Variants in SLC39A11 observed in about 807,000 individuals in gnomAD.
SLC39A11 encodes the protein solute carrier family 39 member 11.
SLC39A11 carries 33 observed loss-of-function variants against 36.1 expected under a neutral mutation model. The observed-to-expected ratio is 0.91, with a 90% CI of 0.69 to 1.22. The LOEUF (loss-of-function observed/expected upper bound fraction) is 1.22. Among genes scored for constraint, SLC39A11 ranks in the 50% most tolerant of loss-of-function variants. SLC39A11 has a pLI of 0.00. For missense variants in SLC39A11, 432 were observed against 430.3 expected, an observed-to-expected ratio of 1.00 and a Z score of -0.03; for synonymous variants, 166 against 170.3, an observed-to-expected ratio of 0.97 and a Z score of 0.20.
At chr17:72,690,963 A>C (rs1335936920) in intron 7 of SLC39A11, among the ~76,000 whole-genome samples, 1 of 152,184 alleles carries the variant, frequency 6.6e-6, no homozygotes, top group East Asian at 1.9e-4. Context: ...AGATTTCCCA[A>C]ATCTGTACAA....
intron 5 of SLC39A11, among the ~76,000 whole-genome samples, chr17:72,902,402 A>G (rs2082439471): frequency 6.6e-6 from 1 of 151,688 alleles, no homozygotes; most frequent in South Asian, 2.1e-4. Context: ...GGGCTACCAG[A>G]CACTAGGAAG....
intron 6 of SLC39A11, among the ~76,000 whole-genome samples, chr17:72,834,456 T>C (rs2078428812): frequency 6.6e-6 from 1 of 152,114 alleles, no homozygotes; most frequent in Admixed American, 6.6e-5. Context: ...ACCCCATCTC[T>C]ACCTAAAATA....
intron 4 of SLC39A11, among the ~76,000 whole-genome samples, chr17:72,967,399 A>AGAGAGAGAGAGAGAGAGAGAGAGAGAGT (rs143987646): frequency 7.2e-6 from 1 of 138,200 alleles, no homozygotes; most frequent in Non-Finnish European, 1.5e-5. Context: ...AGAGAGAGAG[A>AGAGAGAGAGAGAGAGAGAGAGAGAGAGT]GTGTGTGTGT....
At chr17:72,783,318 C>T (rs1003981313) in intron 6 of SLC39A11, among the ~76,000 whole-genome samples, 1 of 152,198 alleles carries the variant, frequency 6.6e-6, no homozygotes, top group Non-Finnish European at 1.5e-5. Context: ...GAAGCTGTAA[C>T]AGACTGAGAC....
At chr17:72,742,371 G>A (rs1353628612) in intron 6 of SLC39A11, among the ~76,000 whole-genome samples, 1 of 152,156 alleles carries the variant, frequency 6.6e-6, no homozygotes, top group Admixed American at 6.6e-5. Flanking sequence ...ATGGTCATGA[G>A]AATATGAACT....
At chr17:72,979,971 G>T (rs1465203223) in intron 4 of SLC39A11, among the ~76,000 whole-genome samples, 1 of 151,986 alleles carries the variant, frequency 6.6e-6, no homozygotes, top group Non-Finnish European at 1.5e-5. Context: ...ACGACTTGCT[G>T]CTGGATCCAC....
intron 4 of SLC39A11, among the ~76,000 whole-genome samples, chr17:72,971,336 A>ACTCT (rs369016332): frequency 0.062 from 8,892 of 143,412 alleles, 259 homozygotes; most frequent in African/African-American, 0.088. Flanking sequence ...ACACACACAC[A>ACTCT]CTCTCTCTCT....
chr17:72,663,139 G>C (rs899923191), intron 7 of SLC39A11, among the ~76,000 whole-genome samples: 2 of 152,214 alleles, frequency 1.3e-5, no homozygotes, highest in African/African-American at 2.4e-5. Context: ...GCACAACCAA[G>C]CTATGCCTTC....
At chr17:72,699,035 T>C (rs1462387555) in intron 7 of SLC39A11, among the ~76,000 whole-genome samples, 2 of 152,132 alleles carry the variant, frequency 1.3e-5, no homozygotes, top group South Asian at 2.1e-4. Flanking sequence ...TTCACCATGT[T>C]AGCCAGGATG....
At chr17:72,658,394 C>G (rs529548116) in intron 7 of SLC39A11, among the ~76,000 whole-genome samples, 3 of 152,184 alleles carry the variant, frequency 2.0e-5, no homozygotes, top group Non-Finnish European at 4.4e-5. Context: ...CCTCCCTCCT[C>G]GTATCTTCAG....
intron 6 of SLC39A11, among the ~76,000 whole-genome samples, chr17:72,812,832 T>G (rs2077473317): frequency 6.6e-6 from 1 of 151,906 alleles, no homozygotes; most frequent in South Asian, 2.1e-4. Flanking sequence ...CTTGGGGGGG[T>G]TTAGTTTTCA....
chr17:72,953,918 CCTT>C (rs1278243978), intron 4 of SLC39A11, among the ~76,000 whole-genome samples: 6 of 152,226 alleles, frequency 3.9e-5, no homozygotes, highest in Admixed American at 3.9e-4. Context: ...CCCGCACACA[CCTT>C]CTATCGCACG....
At chr17:72,709,126 G>C (rs1310375752) in intron 7 of SLC39A11, among the ~76,000 whole-genome samples, 2 of 152,058 alleles carry the variant, frequency 1.3e-5, no homozygotes, top group Admixed American at 6.6e-5. Flanking sequence ...TTTTAGTAGA[G>C]ACAGGGTTTC....
intron 6 of SLC39A11, among the ~76,000 whole-genome samples, chr17:72,768,352 A>T (rs753907778): frequency 1.3e-5 from 2 of 152,232 alleles, no homozygotes; most frequent in Non-Finnish European, 2.9e-5. Flanking sequence ...CCAAAAGCCC[A>T]GGAGTAGTTA....
chr17:72,915,387 C>T (rs1328619054), intron 5 of SLC39A11, among the ~76,000 whole-genome samples: 1 of 152,194 alleles, frequency 6.6e-6, no homozygotes, highest in Admixed American at 6.5e-5. Flanking sequence ...TGCCCTGCCT[C>T]GCTTTTCCTG....
At chr17:72,902,779 T>G (rs2082457931) in intron 5 of SLC39A11, among the ~76,000 whole-genome samples, 1 of 150,568 alleles carries the variant, frequency 6.6e-6, no homozygotes, top group African/African-American at 2.5e-5. Context: ...TGGGTACCCC[T>G]CTGGTTTCTT....
intron 5 of SLC39A11, among the ~76,000 whole-genome samples, chr17:72,898,014 G>A (rs2082116634): frequency 6.6e-6 from 1 of 152,286 alleles, no homozygotes; most frequent in South Asian, 2.1e-4. Context: ...CAGTCAGGAA[G>A]GAGATGGGGA....
intron 6 of SLC39A11, among the ~76,000 whole-genome samples, chr17:72,814,994 C>A (rs1159444089): frequency 6.6e-6 from 1 of 152,158 alleles, no homozygotes; most frequent in African/African-American, 2.4e-5. Context: ...GCAAGGCAAG[C>A]AGGGTAGGGG....
intron 3 of SLC39A11, among the ~76,000 whole-genome samples, chr17:73,078,066 G>A (rs1338136792): frequency 1.3e-5 from 2 of 151,984 alleles, no homozygotes; most frequent in South Asian, 2.1e-4. Context: ...GTGAAACCCC[G>A]TCTCTACTAA....
Sources: gnomAD v4.1 joint callset for allele counts (sites outside exome capture counted in the v4.1 genomes callset) on GRCh38, gnomAD v4.1.1 for gene constraint, MANE v1.5 for transcripts, NCBI Gene and HGNC (gene_info 2026-07-23, HGNC 2026-07-21) for gene names.